IL1R1: variants seen among roughly 807,000 people sequenced by gnomAD.
IL1R1 encodes the protein interleukin 1 receptor type 1.
In IL1R1, 22 loss-of-function variants were observed where a neutral mutation model predicts 50.2. That is an observed-to-expected ratio of 0.44 (90% CI 0.31 to 0.63). The LOEUF is 0.63. IL1R1 is among the 20% of genes least tolerant of loss of function. The pLI, the probability that IL1R1 is intolerant of heterozygous loss-of-function variation, is 0.07. For missense variants in IL1R1, 509 were observed against 676.2 expected (o/e 0.75, Z 2.74); for synonymous variants, 251 against 236.7 (o/e 1.06, Z -0.55).
intron 1 of IL1R1, among the ~76,000 whole-genome samples, chr2:102,115,274 A>G (rs1389724875): frequency 6.6e-6 from 1 of 152,172 alleles, no homozygotes; most frequent in Non-Finnish European, 1.5e-5. Context: ...AGCTGGTTAG[A>G]CCAAGCCTGT....
chr2:102,133,354 C>A (rs547237674), intron 1 of IL1R1, among the ~76,000 whole-genome samples: 2 of 151,986 alleles, frequency 1.3e-5, no homozygotes, highest in East Asian at 3.9e-4. Context: ...TCTACTCAAA[C>A]TCTTCCAGAA....
At chr2:102,087,497 T>C (rs1303369613) in intron 1 of IL1R1, among the ~76,000 whole-genome samples, 1 of 152,212 alleles carries the variant, frequency 6.6e-6, no homozygotes, top group African/African-American at 2.4e-5. Flanking sequence ...TTTGATATGG[T>C]TTGGCTCTGT....
At position 102,137,463 on chromosome 2, in the gene IL1R1, A is replaced by T. The variant is rs535296666; in HGVS notation, c.-83-16478A>T. On this transcript the variant is annotated intron_variant, in intron 1 of 10. Coordinates refer to the IL1R1 transcript ENST00000409329. ...AAGATGGTGCACTGCCATGGCTGGA[A>T]TGTACTTTGGCTGACAGCTGGGGCT... Among the ~76,000 whole-genome samples, 8 of 152,272 alleles carry T rather than the reference A, an allele frequency of 5.3e-5. No individual in the cohort carries two copies. The South Asian group carries it at 1.7e-3, about 32-fold the overall frequency.
At chr2:102,169,325 C>T (rs1685471215) in intron 7 of IL1R1, among the ~76,000 whole-genome samples, 1 of 152,208 alleles carries the variant, frequency 6.6e-6, no homozygotes, top group African/African-American at 2.4e-5. Context: ...CTGTTTAGTG[C>T]AGTAGTTACT....
intron 2 of IL1R1, among the ~76,000 whole-genome samples, chr2:102,156,911 ATATT>A (rs1312157485): frequency 2.0e-5 from 3 of 152,168 alleles, no homozygotes; most frequent in African/African-American, 7.2e-5. Flanking sequence ...TTGTGTTTTC[ATATT>A]TATTTACTTA....
rs541698350 is a variant in IL1R1, at chr2:102,089,994, C to T, written c.-84+19461C>T. Among the ~76,000 whole-genome samples, 21 of 151,788 alleles carry T rather than the reference C, an allele frequency of 1.4e-4. No homozygotes were observed. In the East Asian group the frequency reaches 3.1e-3, roughly 22 times the overall value. ...GACTACAGGTGCCCGCCACCACACC[C>T]GGCTAATTTTTTTGTATTTTTAGTA... On this transcript the variant is annotated intron_variant, in intron 1 of 11. Coordinates refer to the IL1R1 transcript ENST00000409929.
Position 102,071,640 on chromosome 2 carries a change from A to C in IL1R1, c.-84+1107A>C, listed in dbSNP as rs1028268675. ...TGAGTGGGTTCCATACTACTAGCAT[A>C]ATATTTGGCATTTCCCTGTATGTCC... On this transcript the variant is annotated intron_variant, in intron 1 of 11. Coordinates refer to the IL1R1 transcript ENST00000409929. Among the ~76,000 whole-genome samples, 10 of 152,294 alleles carry C rather than the reference A, an allele frequency of 6.6e-5. No individual in the cohort carries two copies. In the South Asian group the frequency reaches 1.2e-3, roughly 19 times the overall value.
chr2:102,169,385 A>G (rs1685477914), intron 7 of IL1R1, among the ~76,000 whole-genome samples: 1 of 152,262 alleles, frequency 6.6e-6, no homozygotes, highest in African/African-American at 2.4e-5. Flanking sequence ...CAATTGATTC[A>G]TTTAGTTAAA....
At chr2:102,107,785 C>T (rs1271883307) in intron 1 of IL1R1, among the ~76,000 whole-genome samples, 3 of 152,168 alleles carry the variant, frequency 2.0e-5, no homozygotes, top group Non-Finnish European at 4.4e-5. Flanking sequence ...TTTTTGGTTA[C>T]TCATTGCCAA....
At chr2:102,085,219 C>T (rs1679382329) in intron 1 of IL1R1, among the ~76,000 whole-genome samples, 1 of 152,162 alleles carries the variant, frequency 6.6e-6, no homozygotes, top group Non-Finnish European at 1.5e-5. Context: ...TGGATGAACA[C>T]ACCTTGATTT....
At chr2:102,118,982 C>T (rs1375218831) in intron 1 of IL1R1, among the ~76,000 whole-genome samples, 2 of 137,926 alleles carry the variant, frequency 1.5e-5, no homozygotes, top group Admixed American at 1.6e-4. Context: ...CGCTCCACTG[C>T]TCTCCAGCTT....
At chr2:102,111,650 G>C (rs1034376029) in intron 1 of IL1R1, among the ~76,000 whole-genome samples, 1 of 152,148 alleles carries the variant, frequency 6.6e-6, no homozygotes, top group Non-Finnish European at 1.5e-5. Context: ...CTGCGAGATA[G>C]AATCAAATGT....
chr2:102,090,652 C>A (rs1477784534), intron 1 of IL1R1, among the ~76,000 whole-genome samples: 1 of 152,046 alleles, frequency 6.6e-6, no homozygotes, highest in Non-Finnish European at 1.5e-5. Flanking sequence ...CTATTAGATT[C>A]CTTTTTATAG....
chr2:102,115,709 GGAA>G (rs1265141716), intron 1 of IL1R1, among the ~76,000 whole-genome samples: 2 of 152,208 alleles, frequency 1.3e-5, no homozygotes, highest in African/African-American at 4.8e-5. Context: ...GGGAGAAGGC[GGAA>G]GAAGAAGACT....
chr2:102,100,627 G>C (rs1680100162), upstream of IL1R1, among the ~76,000 whole-genome samples: 1 of 152,104 alleles, frequency 6.6e-6, no homozygotes, highest in Admixed American at 6.6e-5. Flanking sequence ...ACCAGACCTG[G>C]CCTGTTTTTA....
chr2:102,131,736 T>C (rs1201679920), intron 1 of IL1R1, among the ~76,000 whole-genome samples: 1 of 151,040 alleles, frequency 6.6e-6, no homozygotes, highest in East Asian at 1.9e-4. Flanking sequence ...CAAATACACA[T>C]GTAATTGGAG....
chr2:102,174,843 C>T, intron 10 of IL1R1, 113 bp downstream of exon 10: 2 of 781,722 alleles, frequency 2.6e-6, no homozygotes, highest in Non-Finnish European at 2.0e-6. Flanking sequence ...TGAAAAGTGG[C>T]ATATACAAGA....
chr2:102,105,634 G>C (rs1197921137), intron 1 of IL1R1, among the ~76,000 whole-genome samples: 1 of 152,180 alleles, frequency 6.6e-6, no homozygotes, highest in East Asian at 1.9e-4. Flanking sequence ...AAAGTGCTGG[G>C]ATTACAGGCA....
At chr2:102,096,640 T>C (rs528431673) in intron 1 of IL1R1, among the ~76,000 whole-genome samples, 25 of 152,182 alleles carry the variant, frequency 1.6e-4, no homozygotes, top group African/African-American at 5.8e-4. Flanking sequence ...GTGTTATAAA[T>C]GTCTTCCTCT....
Sources: gnomAD v4.1 joint callset for allele counts (sites outside exome capture counted in the v4.1 genomes callset) on GRCh38, gnomAD v4.1.1 for gene constraint, MANE v1.5 for transcripts, NCBI Gene and HGNC (gene_info 2026-07-23, HGNC 2026-07-21) for gene names.